Variants in SUMF1 observed in about 807,000 individuals in gnomAD.
The protein encoded by SUMF1 is sulfatase modifying factor 1, also known as formylglycine-generating enzyme.
Under a neutral mutation model 47.6 loss-of-function variants are expected in SUMF1, and 48 were observed. The ratio of observed to expected loss-of-function variants is 1.01; its 90% CI spans 0.80 to 1.28. SUMF1 has a LOEUF of 1.28. SUMF1 is among the 50% of genes most tolerant of loss of function. The probability of loss-of-function intolerance (pLI) is 0.00; values close to 1 mark genes in which losing one functional copy is unlikely to be tolerated. For missense variants in SUMF1, 571 were observed against 485.4 expected, an observed-to-expected ratio of 1.18 and a Z score of -1.66; for synonymous variants, 230 against 192.1, an observed-to-expected ratio of 1.20 and a Z score of -1.63.
rs536716407 is a variant in SUMF1, at chr3:4,273,602, T to A, written c.1014+102728A>T. Among the ~76,000 whole-genome samples the A allele has an allele frequency of 4.1e-4, 62 of 151,908 alleles. No homozygotes were observed. In the South Asian group the frequency reaches 0.012, roughly 31 times the overall value. On this transcript the variant is annotated intron_variant and NMD_transcript_variant, in intron 8 of 12. Coordinates refer to the SUMF1 transcript ENST00000448413. ...AATTGTGATGGCACCACTCTGTGAA[T>A]GTACTAAAAATCTTTTAACTATATA...
chr3:4,116,100 T>G lies in SUMF1; in HGVS notation c.1015-47355A>C, dbSNP rs145143952. On this transcript the variant is annotated intron_variant and NMD_transcript_variant, in intron 8 of 12. Transcript: ENST00000448413. The stretch of plus-strand genomic sequence containing the variant: ...GTCACTTGATTCCCACATATGTTTA[T>G]GAGGTAGATCAGGCCACAGTTAACA... Among the ~76,000 whole-genome samples, 54 of 152,290 alleles carry G rather than the reference T, an allele frequency of 3.5e-4. 1 individual carries two copies. The highest frequency in any genetic ancestry group is 1.3e-3 in the African/African-American group (53 of 41,534).
chr3:4,345,201 C>T (rs1575115045), intron 8 of SUMF1, among the ~76,000 whole-genome samples: 1 of 152,154 alleles, frequency 6.6e-6, no homozygotes, highest in East Asian at 1.9e-4. Context: ...TAAGATACTC[C>T]ATGAGAAGAT....
At position 4,466,906 on chromosome 3, in the gene SUMF1, G is replaced by C. The variant is rs1054448439; in HGVS notation, c.270+70C>G. 1.9e-6 allele frequency: 3 copies of C among 1,565,446 alleles called. No homozygotes were observed. The African/African-American group carries it at 4.1e-5, about 21-fold the overall frequency. On this transcript the variant is annotated intron_variant, in intron 1 of 8. Coordinates refer to ENST00000272902, the MANE Select transcript of SUMF1 (RefSeq NM_182760.4). ...TTACTTCCCTTCCTACTAGTGCCTT[G>C]CTTTGCCTACTCCAACCCCGTCCAG...
chr3:4,203,228 C>T (rs1344096656), intron 8 of SUMF1, among the ~76,000 whole-genome samples: 1 of 151,954 alleles, frequency 6.6e-6, no homozygotes, highest in African/African-American at 2.4e-5. Flanking sequence ...CTATCTTTCT[C>T]TTTAGCTCTA....
At chr3:4,175,511 T>C (rs1301008788) in intron 8 of SUMF1, among the ~76,000 whole-genome samples, 1 of 152,092 alleles carries the variant, frequency 6.6e-6, no homozygotes. Context: ...AAAAAGGTCA[T>C]CTACACCAAA....
chr3:4,277,712 CATA>C (rs1185338743), intron 8 of SUMF1, among the ~76,000 whole-genome samples: 1 of 152,062 alleles, frequency 6.6e-6, no homozygotes, highest in Admixed American at 6.6e-5. Flanking sequence ...TCTCAATCAG[CATA>C]ATAATCTGTG....
chr3:4,169,195 T>C (rs1261607765), intron 8 of SUMF1, among the ~76,000 whole-genome samples: 1 of 152,220 alleles, frequency 6.6e-6, no homozygotes, highest in Admixed American at 6.5e-5. Flanking sequence ...CAACAGCTGC[T>C]ATTAAACTTC....
intron 7 of SUMF1, among the ~76,000 whole-genome samples, chr3:4,390,559 T>C (rs1313797721): frequency 1.3e-5 from 2 of 152,154 alleles, no homozygotes; most frequent in African/African-American, 2.4e-5. Context: ...CTTGCTTCCC[T>C]AGCTCCAAGT....
At chr3:4,302,509 G>C (rs1697994808) in intron 8 of SUMF1, among the ~76,000 whole-genome samples, 2 of 152,044 alleles carry the variant, frequency 1.3e-5, no homozygotes, top group African/African-American at 4.8e-5. Context: ...TTTCTTATCA[G>C]ACTTAAGGTG....
intron 7 of SUMF1, among the ~76,000 whole-genome samples, chr3:4,386,735 C>A (rs943395046): frequency 6.6e-6 from 1 of 151,982 alleles, no homozygotes; most frequent in African/African-American, 2.4e-5. Context: ...GGTAGGTATA[C>A]AGTTTCTTTG....
chr3:4,268,739 C>T (rs1697248312), intron 8 of SUMF1, among the ~76,000 whole-genome samples: 1 of 151,882 alleles, frequency 6.6e-6, no homozygotes, highest in South Asian at 2.1e-4. Flanking sequence ...TGAACTTGAA[C>T]CCGTATCTAA....
At chr3:4,311,139 C>T (rs374790178) in intron 8 of SUMF1, among the ~76,000 whole-genome samples, 14 of 152,292 alleles carry the variant, frequency 9.2e-5, no homozygotes, top group Admixed American at 3.3e-4. Flanking sequence ...AGCCTTCTCC[C>T]ACAGGTCCTC....
intron 9 of SUMF1, among the ~76,000 whole-genome samples, chr3:4,060,822 G>A (rs1049798111): frequency 4.6e-5 from 7 of 152,136 alleles, no homozygotes; most frequent in African/African-American, 1.7e-4. Context: ...AAACCCTTGG[G>A]AAAGTGTTTG....
At chr3:4,307,237 C>G (rs918653543) in intron 8 of SUMF1, among the ~76,000 whole-genome samples, 5 of 152,182 alleles carry the variant, frequency 3.3e-5, no homozygotes, top group African/African-American at 9.7e-5. Context: ...GAATGTGATT[C>G]AGAAAAGTCA....
chr3:4,364,309 C>T lies in SUMF1; in HGVS notation c.1015-2055G>A, dbSNP rs867647166. Reference sequence around the variant, plus strand: ...GTTTCAGAAGGAATGGTACCAGTTCCTCCTTGTACCTGTGGTAGAATTCGG... The same window carrying T: ...GTTTCAGAAGGAATGGTACCAGTTCTTCCTTGTACCTGTGGTAGAATTCGG... On this transcript the variant is annotated intron_variant, in intron 8 of 8. Coordinates refer to ENST00000272902, the MANE Select transcript of SUMF1 (RefSeq NM_182760.4). 2.7e-3 allele frequency among the ~76,000 whole-genome samples: 267 copies of T among 100,116 alleles called. 34 individuals carry two copies. The highest frequency in any genetic ancestry group is 0.011 in the Middle Eastern group (2 of 188). 65.7% of individuals were successfully genotyped at this position (100,116 alleles called of 152,430 possible).
chr3:4,178,832 C>A (rs1695030045), intron 8 of SUMF1, among the ~76,000 whole-genome samples: 1 of 152,172 alleles, frequency 6.6e-6, no homozygotes, highest in Non-Finnish European at 1.5e-5. Flanking sequence ...TGATAAGCAA[C>A]TTCAGCAAAG....
chr3:4,395,651 A>C (rs1701016476), intron 7 of SUMF1, among the ~76,000 whole-genome samples: 1 of 152,228 alleles, frequency 6.6e-6, no homozygotes, highest in African/African-American at 2.4e-5. Context: ...TAGTGAAATG[A>C]ATGAAAACAG....
intron 8 of SUMF1, among the ~76,000 whole-genome samples, chr3:4,079,171 T>C (rs1692504638): frequency 2.0e-5 from 3 of 152,184 alleles, no homozygotes; most frequent in Middle Eastern, 3.4e-3. Flanking sequence ...AGTAACAACA[T>C]CCATGTCATC....
At chr3:4,254,054 T>C (rs1208292171) in intron 8 of SUMF1, among the ~76,000 whole-genome samples, 1 of 151,486 alleles carries the variant, frequency 6.6e-6, no homozygotes, top group Non-Finnish European at 1.5e-5. Flanking sequence ...CTGAGGGTCC[T>C]GTCTGTTAGA....
Sources: allele counts gnomAD v4.1 joint callset (sites outside exome capture counted in the v4.1 genomes callset), GRCh38; gene constraint gnomAD v4.1.1; transcripts MANE v1.5; gene names NCBI Gene and HGNC (gene_info 2026-07-23, HGNC 2026-07-21).